Variants in TRAP1 observed in about 807,000 individuals in gnomAD.
TRAP1 encodes heat shock protein 75 kDa, mitochondrial.
TRAP1 carries 102 observed loss-of-function variants against 89.1 expected under a neutral mutation model. That is an observed-to-expected ratio of 1.15 (90% CI 0.98 to 1.35). The LOEUF is 1.35. Ranked by LOEUF, TRAP1 falls within the 40% of genes most tolerant of loss-of-function variation. The pLI, the probability that TRAP1 is intolerant of heterozygous loss-of-function variation, is 0.00. For missense variants in TRAP1, 1,256 were observed against 945.3 expected (o/e 1.33, Z -4.31); for synonymous variants, 508 against 388.0 (o/e 1.31, Z -3.64).
At chr16:3,667,203 C>A (rs914356453) in intron 11 of TRAP1, among the ~76,000 whole-genome samples, 27 of 152,060 alleles carry the variant, frequency 1.8e-4, no homozygotes, top group Admixed American at 1.7e-3. Context: ...GGTGTCCAGG[C>A]TGGGGGCGTG....
At chr16:3,689,880 A>AG (rs1338223896) in intron 2 of TRAP1, 1 of 152,326 alleles carries the variant, frequency 6.6e-6, no homozygotes, top group Non-Finnish European at 1.5e-5. Flanking sequence ...AGGAGGTCTC[A>AG]GGGCAGGACA....
chr16:3,674,444 C>T lies in TRAP1; in HGVS notation c.939G>A (p.Glu313=). The T allele has an allele frequency of 1.9e-6, 3 of 1,612,968 alleles. No homozygotes were observed. Among genetic ancestry groups the T allele is most frequent in the Non-Finnish European group, 2.5e-6 (3 of 1,179,912 alleles). The change falls in exon 9 of 18, where the codon GAG becomes GAA. Residue 313 remains glutamate, a synonymous_variant. Coordinates refer to ENST00000246957, the MANE Select transcript of TRAP1 (RefSeq NM_016292.3). ...GAGCCTGCGCGACGTAGCGGTAGAA[C>T]TCCTCATGTTGCCACTCACGGACAT... ...PKDVREWQHE[E]FYRYVAQAHD...
chr16:3,660,493 A>C (rs2043010064), intron 16 of TRAP1: 1 of 144,790 alleles, frequency 6.9e-6, no homozygotes, highest in Non-Finnish European at 1.5e-5. Context: ...GTGGCAACAG[A>C]CAGAAACGAG....
chr16:3,704,048 A>C (rs917074504), intron 1 of TRAP1, among the ~76,000 whole-genome samples: 4 of 150,786 alleles, frequency 2.7e-5, no homozygotes, highest in Admixed American at 6.6e-5. Context: ...AACTATTTAC[A>C]AAAGTTACAT....
In TRAP1 at chr16:3,661,985, A is replaced by C. The variant is rs970806262; in HGVS notation, c.1940+2T>G. On this transcript the variant is annotated splice_donor_variant, in intron 16 of 17. Transcript: ENST00000246957. LOFTEE classifies it high-confidence loss of function. The stretch of plus-strand genomic sequence containing the variant: ...CTGGAAGAGCCAGGAGCGTGGCCTC[A>C]CCTGGGGTTGATCTCCAGCGTGGGC... 1.2e-6 allele frequency: 2 copies of C among 1,603,494 alleles called. No individual in the cohort carries two copies. Among genetic ancestry groups the C allele is most frequent in the Non-Finnish European group, 1.7e-6 (2 of 1,174,128 alleles).
Position 3,671,822 on chromosome 16 carries a change from G to T in TRAP1, c.1166-31C>A, listed in dbSNP as rs766121250. 3.7e-6 allele frequency: 6 copies of T among 1,607,544 alleles called. No individual in the cohort carries two copies. In the African/African-American group the frequency reaches 8.0e-5, roughly 21 times the overall value. ...AGACACGGCAGTCAGCTTCTCCCGG[G>T]GCTGCGGCCCTCCACACCACCCAAC... On this transcript the variant is annotated intron_variant, in intron 10 of 17. Coordinates refer to ENST00000246957, the MANE Select transcript of TRAP1 (RefSeq NM_016292.3).
intron 4 of TRAP1, among the ~76,000 whole-genome samples, chr16:3,684,606 G>A (rs1049516005): frequency 2.0e-5 from 3 of 152,004 alleles, no homozygotes; most frequent in African/African-American, 7.2e-5. Flanking sequence ...CCTGGCCAAC[G>A]TGGTGAAACC....
At chr16:3,711,104 T>C (rs1005792087) in intron 1 of TRAP1, among the ~76,000 whole-genome samples, 5 of 150,884 alleles carry the variant, frequency 3.3e-5, no homozygotes, top group Non-Finnish European at 7.4e-5. Context: ...CTCAAACTCC[T>C]AAACTCACAG....
intron 1 of TRAP1, among the ~76,000 whole-genome samples, chr16:3,701,403 A>G (rs2051362580): frequency 1.3e-5 from 2 of 152,246 alleles, no homozygotes; most frequent in South Asian, 4.1e-4. Context: ...AAAATAAAAC[A>G]GAAGCCGGGC....
At chr16:3,703,736 C>T (rs2051400426) in intron 1 of TRAP1, among the ~76,000 whole-genome samples, 1 of 152,060 alleles carries the variant, frequency 6.6e-6, no homozygotes, top group Non-Finnish European at 1.5e-5. Flanking sequence ...AAAAGTTAGG[C>T]TGGGCGCGGT....
intron 1 of TRAP1, among the ~76,000 whole-genome samples, chr16:3,705,849 T>TTA (rs1326763222): frequency 1.2e-4 from 18 of 150,914 alleles, no homozygotes; most frequent in African/African-American, 2.2e-4. Context: ...CCGGCTAATT[T>TTA]TATATATATA....
In TRAP1 at chr16:3,658,169, C is replaced by A. The variant is rs2791; in HGVS notation, c.2075G>T (p.Arg692Leu). ...LVDDPRAMVG[R>L]LNELLVKALE... is the part of the protein sequence containing the mutation. ...GGCCTTGACAAGCAGCTCATTCAAG[C>A]GGCCCACCATGGCCCTAGGGTCGTC... The change falls in exon 18 of 18, where the codon CGC (arginine) becomes CTC (leucine). Residue 692 changes from arginine (R) to leucine (L), a missense_variant. Arg to Leu is a moderately radical substitution (Grantham distance 102). Coordinates refer to ENST00000246957, the MANE Select transcript of TRAP1 (RefSeq NM_016292.3). 2 of 1,613,918 alleles carry A rather than the reference C, an allele frequency of 1.2e-6. No homozygotes were observed. Among genetic ancestry groups the A allele is most frequent in the Admixed American group, 1.7e-5 (1 of 60,022 alleles).
chr16:3,709,799 C>CG (rs2051503026), intron 1 of TRAP1, among the ~76,000 whole-genome samples: 2 of 152,186 alleles, frequency 1.3e-5, no homozygotes, highest in South Asian at 4.2e-4. Context: ...TACAGGCATG[C>CG]GCCACCACGC....
chr16:3,664,338 G>A lies in TRAP1; in HGVS notation c.1505C>T (p.Ala502Val), dbSNP rs2050774002. 1.2e-6 allele frequency: 2 copies of A among 1,613,034 alleles called. No homozygotes were observed. The highest frequency in any genetic ancestry group is 1.7e-4 in the Middle Eastern group (1 of 6,058). The change falls in exon 13 of 18, where the codon GCC (alanine) becomes GTC (valine). Residue 502 changes from alanine (A) to valine (V), a missense_variant. Coordinates refer to ENST00000246957, the MANE Select transcript of TRAP1 (RefSeq NM_016292.3). ...GTGCTCTGCCAGGTGACGGTTGGGGGCGCACAGGTAGTAGATGTTGCGGGT... is the reference window on the plus strand; with the variant it reads ...GTGCTCTGCCAGGTGACGGTTGGGGACGCACAGGTAGTAGATGTTGCGGGT... ...AGTRNIYYLCAPNRHLAEHSP... is the reference protein window; with the variant it reads ...AGTRNIYYLCVPNRHLAEHSP...
intron 4 of TRAP1, among the ~76,000 whole-genome samples, chr16:3,681,980 G>A (rs573001088): frequency 1.3e-5 from 2 of 152,116 alleles, no homozygotes; most frequent in Non-Finnish European, 2.9e-5. Context: ...CAATAATTAA[G>A]ACAGTGCGAT....
chr16:3,672,112 C>T (rs1490771263), intron 10 of TRAP1, among the ~76,000 whole-genome samples: 5 of 152,162 alleles, frequency 3.3e-5, no homozygotes, highest in South Asian at 4.1e-4. Flanking sequence ...CCGAGGTGGG[C>T]GGATCATGAG....
At chr16:3,712,047 T>C (rs780999112) in intron 1 of TRAP1, among the ~76,000 whole-genome samples, 4 of 152,090 alleles carry the variant, frequency 2.6e-5, no homozygotes, top group Non-Finnish European at 4.4e-5. Flanking sequence ...TCCCAGCACT[T>C]TGGGAGGCCA....
chr16:3,682,377 C>T (rs1206671933), intron 4 of TRAP1, among the ~76,000 whole-genome samples: 3 of 147,376 alleles, frequency 2.0e-5, no homozygotes, highest in Non-Finnish European at 4.5e-5. Flanking sequence ...AAAGCAAGAC[C>T]CTGCCTCTAC....
intron 2 of TRAP1, among the ~76,000 whole-genome samples, 163 bp from the exon 3 acceptor site, chr16:3,689,300 A>G (rs2051180674): frequency 6.8e-6 from 1 of 147,482 alleles, no homozygotes; most frequent in African/African-American, 2.5e-5. Context: ...GCTGGAGTAC[A>G]GTGGCACGAT....
Sources: gnomAD v4.1 joint callset for allele counts (sites outside exome capture counted in the v4.1 genomes callset) on GRCh38, gnomAD v4.1.1 for gene constraint, MANE v1.5 for transcripts, NCBI Gene and HGNC (gene_info 2026-07-23, HGNC 2026-07-21) for gene names.